EXPH5: variants seen among roughly 807,000 people sequenced by gnomAD.
EXPH5 encodes exophilin 5.
In EXPH5, 42 loss-of-function variants were observed where a neutral mutation model predicts 41.1. The ratio of observed to expected loss-of-function variants is 1.02; its 90% confidence interval spans 0.80 to 1.32. EXPH5 has a LOEUF of 1.32. Ranked by LOEUF, EXPH5 falls within the 40% of genes most tolerant of loss-of-function variation. EXPH5 has a pLI of 0.00. For synonymous variants in EXPH5, 798 were observed against 833.5 expected (o/e 0.96, Z 0.73); for missense variants, 2,298 against 2,314.5 (o/e 0.99, Z 0.15).
At chr11:108,555,028 C>A (rs2093984011) in intron 1 of EXPH5, among the ~76,000 whole-genome samples, 1 of 152,218 alleles carries the variant, frequency 6.6e-6, no homozygotes, top group Non-Finnish European at 1.5e-5. Flanking sequence ...AGATCCACTC[C>A]CAGATTTCTA....
At chr11:108,573,029 A>C (rs2094065994) in intron 1 of EXPH5, among the ~76,000 whole-genome samples, 1 of 151,488 alleles carries the variant, frequency 6.6e-6, no homozygotes, top group Non-Finnish European at 1.5e-5. Context: ...CAGTCTGAAT[A>C]ATATAGAGAG....
At chr11:108,558,217 ACAGGTGT>A (rs1353418057) in intron 1 of EXPH5, among the ~76,000 whole-genome samples, 17 of 152,138 alleles carry the variant, frequency 1.1e-4, no homozygotes, top group Non-Finnish European at 1.0e-4. Context: ...TGCTTGGATT[ACAGGTGT>A]CAGCCACTGC....
chr11:108,574,530 C>T (rs1241460663), intron 1 of EXPH5, among the ~76,000 whole-genome samples: 1 of 152,120 alleles, frequency 6.6e-6, no homozygotes, highest in Non-Finnish European at 1.5e-5. Flanking sequence ...ATATATAAAT[C>T]AATAAGACAC....
At chr11:108,554,153 T>C (rs1304180825) in intron 1 of EXPH5, among the ~76,000 whole-genome samples, 2 of 151,034 alleles carry the variant, frequency 1.3e-5, no homozygotes, top group African/African-American at 2.4e-5. Flanking sequence ...AACCTCTGCC[T>C]CCTGGGTTCA....
chr11:108,527,813 G>C (rs550323617), intron 4 of EXPH5, among the ~76,000 whole-genome samples: 1 of 152,244 alleles, frequency 6.6e-6, no homozygotes, highest in East Asian at 1.9e-4. Flanking sequence ...GCTGGCAAAC[G>C]TGGCTGTGGC....
At chr11:108,606,008 G>A in the EXPH5 span, among the ~76,000 whole-genome samples, 3 of 152,254 alleles carry the variant, frequency 2.0e-5, no homozygotes, top group Non-Finnish European at 4.4e-5. Context: ...TCAGGAATTT[G>A]TGAGATCTCA....
In EXPH5 at chr11:108,506,090, T is replaced by C. The variant is rs2093642689; in HGVS notation, c.*3447A>G. On this transcript the variant is annotated 3_prime_UTR_variant, in exon 6 of 6. Transcript: ENST00000265843. ...CTAAACAAGTTTATAATTTATAAGG[T>C]ATTTATTACGATTGATTCCCCTATG... is the stretch of plus-strand genomic sequence containing the variant. 6.6e-6 allele frequency: 1 copy of C among 152,192 alleles called. No individual in the cohort carries two copies. The highest frequency in any genetic ancestry group is 2.4e-5 in the African/African-American group (1 of 41,442). The allele number at this position is 152,192 out of a possible 1,614,324, so 9.4% of individuals were successfully genotyped here. A position where few individuals can be genotyped will look rare whatever the true frequency, so the allele number is the denominator to read the frequency against.
At chr11:108,571,066 G>A (rs1421614196) in intron 1 of EXPH5, among the ~76,000 whole-genome samples, 1 of 152,218 alleles carries the variant, frequency 6.6e-6, no homozygotes, top group East Asian at 1.9e-4. Context: ...GAAGTCTAAG[G>A]AAGAAGCTGG....
chr11:108,512,356 G>A lies in EXPH5; in HGVS notation c.3151C>T (p.Pro1051Ser). 6.2e-7 allele frequency: 1 copy of A among 1,611,720 alleles called. No homozygotes were observed. The highest frequency in any genetic ancestry group is 1.1e-5 in the South Asian group (1 of 90,410). The part of the protein sequence containing the change: ...MAASLRNGPP[P>S]FQIKNNVEDA... Reference sequence around the variant, plus strand: ...TCCACATTATTTTTGATTTGGAAGGGAGGTGGCCCATTCCTCAATGAAGCA... The same window carrying A: ...TCCACATTATTTTTGATTTGGAAGGAAGGTGGCCCATTCCTCAATGAAGCA... Residue 1051 changes from proline (P) to serine (S), a missense_variant, in exon 6 of 6, where the codon CCC (proline) becomes TCC (serine). Transcript: ENST00000265843.
intron 4 of EXPH5, among the ~76,000 whole-genome samples, chr11:108,519,954 A>C (rs1269962130): frequency 1.0e-5 from 1 of 96,626 alleles, no homozygotes; most frequent in Non-Finnish European, 2.2e-5. Context: ...CTGTCTCAAA[A>C]AAAAAAAAAA....
rs777872303 is a variant in EXPH5, at chr11:108,513,639, A to G, written c.1868T>C (p.Leu623Pro). 2.5e-6 allele frequency: 4 copies of G among 1,612,710 alleles called. No individual in the cohort carries two copies. The highest frequency in any genetic ancestry group is 3.4e-6 in the Non-Finnish European group (4 of 1,179,458). ...EASSFGIAQTLASSFKTSFSQ... is the reference protein window; with the variant it reads ...EASSFGIAQTPASSFKTSFSQ... ...AAAGGAAGTTTTGAATGAGGATGCTAGAGTCTGAGCAATTCCAAATGAGGA... is the reference window on the plus strand; with the variant it reads ...AAAGGAAGTTTTGAATGAGGATGCTGGAGTCTGAGCAATTCCAAATGAGGA... Residue 623 changes from leucine (L) to proline (P), a missense_variant, in exon 6 of 6, where the codon CTA (leucine) becomes CCA (proline). By Grantham distance (98) the Leu-to-Pro change is moderately conservative. Transcript: ENST00000265843.
rs748527662 is a variant in EXPH5 at position 108,593,552 on chromosome 11, TGA to T, written c.-18_-17del. On this transcript the variant is annotated 5_prime_UTR_variant, in exon 1 of 6. Coordinates refer to ENST00000265843, the MANE Select transcript of EXPH5 (RefSeq NM_015065.3). The stretch of plus-strand genomic sequence containing the variant: ...CTTTCGTCATTTTCTTTACTGTGTG[TGA>T]GTTACACTTAAGCTCCTTGGCGCCT... 25 of 1,614,056 alleles carry T rather than the reference TGA, an allele frequency of 1.5e-5. No homozygotes were observed. The highest frequency in any genetic ancestry group is 4.4e-5 in the South Asian group (4 of 91,086).
rs779194082 is a variant in EXPH5, at chr11:108,514,788, G to T, written c.719C>A (p.Thr240Lys). 6.2e-7 allele frequency: 1 copy of T among 1,606,876 alleles called. No homozygotes were observed. The highest frequency in any genetic ancestry group is 8.5e-7 in the Non-Finnish European group (1 of 1,177,660). ...ACTGGAATAAAAGTGACCGAACTGT[G>T]TTCTTGATCCATAGTTGAGGGGTGT... ...TRTPLNYGSR[T>K]QFGHFYSSGN... The change falls in exon 6 of 6, where the codon ACA (threonine) becomes AAA (lysine). Residue 240 changes from threonine (T) to lysine (K), a missense_variant. Transcript: ENST00000265843.
At chr11:108,540,524 A>G (rs2093907000) in intron 2 of EXPH5, among the ~76,000 whole-genome samples, 1 of 152,090 alleles carries the variant, frequency 6.6e-6, no homozygotes, top group Admixed American at 6.6e-5. Context: ...ATCAACATAG[A>G]AGTTTAGAAG....
At chr11:108,570,589 G>A (rs868273532) in intron 1 of EXPH5, among the ~76,000 whole-genome samples, 17 of 152,036 alleles carry the variant, frequency 1.1e-4, no homozygotes, top group Non-Finnish European at 1.9e-4. Flanking sequence ...TCTGTTGCTC[G>A]GGCTGCAGTG....
rs1189366419 is a variant in EXPH5 at position 108,509,890 on chromosome 11, C to T, written c.5617G>A (p.Gly1873Ser). Reference protein sequence around the residue: ...SWAYRSGTKTGPRSAISIYRP... With the variant: ...SWAYRSGTKTSPRSAISIYRP... ...TATATAGATATTGCAGACCTGGGAC[C>T]TGTTTTTGTCCCGCTGCGATAAGCC... Residue 1873 changes from glycine to serine, a missense_variant, in exon 6 of 6, where the codon GGT (glycine) becomes AGT (serine). Physicochemically the swap from Gly to Ser is moderately conservative, Grantham distance 56. Transcript: ENST00000265843. 3 of 1,608,260 alleles carry T rather than the reference C, an allele frequency of 1.9e-6. No individual in the cohort carries two copies. Among genetic ancestry groups the T allele is most frequent in the Admixed American group, 1.7e-5 (1 of 58,756 alleles).
In EXPH5 at chr11:108,513,489, G is replaced by A. The variant is rs368987833; in HGVS notation, c.2018C>T (p.Thr673Ile). The change falls in exon 6 of 6, where the codon ACT becomes ATT. Residue 673 changes from threonine (T) to isoleucine (I), a missense_variant. Transcript: ENST00000265843. The part of the protein sequence containing the change: ...SHPMRSHTEV[T>I]VTSSNSVDSL... ...GTCAACTGAATTGCTGCTGGTCACAGTGACTTCTGTATGGCTTCTCATTGG... is the reference window on the plus strand; with the variant it reads ...GTCAACTGAATTGCTGCTGGTCACAATGACTTCTGTATGGCTTCTCATTGG... 4.5e-5 allele frequency: 72 copies of A among 1,613,900 alleles called. No individual in the cohort carries two copies. Among genetic ancestry groups the A allele is most frequent in the Non-Finnish European group, 5.8e-5 (69 of 1,179,928 alleles).
chr11:108,577,312 C>A (rs1475261311), intron 1 of EXPH5, among the ~76,000 whole-genome samples: 1 of 152,274 alleles, frequency 6.6e-6, no homozygotes, highest in East Asian at 1.9e-4. Flanking sequence ...TTTTGAGGAA[C>A]CTCCAAACTG....
rs1565807261 is a variant in EXPH5 at position 108,539,060 on chromosome 11, T to G, written c.407A>C (p.Lys136Thr). Reference sequence around the variant, plus strand: ...CAGTGATGGAAGCTTTGAAGTCTCCTTTCCAGATTTCCTGAATGAGAACAG... The same window carrying G: ...CAGTGATGGAAGCTTTGAAGTCTCCGTTCCAGATTTCCTGAATGAGAACAG... ...ASLFSFRKSG[K>T]ETSKLPSLGQ... Residue 136 changes from lysine to threonine, a missense_variant, in exon 3 of 6, where the codon AAG becomes ACG. Coordinates refer to ENST00000265843, the MANE Select transcript of EXPH5 (RefSeq NM_015065.3). The G allele has an allele frequency of 6.2e-7, 1 of 1,607,162 alleles. No individual in the cohort carries two copies. The highest frequency in any genetic ancestry group is 8.5e-7 in the Non-Finnish European group (1 of 1,176,056).
Sources: gnomAD v4.1 joint callset for allele counts (sites outside exome capture counted in the v4.1 genomes callset) on GRCh38, gnomAD v4.1.1 for gene constraint, MANE v1.5 for transcripts, NCBI Gene and HGNC (gene_info 2026-07-23, HGNC 2026-07-21) for gene names.